PAPSS1: variants seen among roughly 807,000 people sequenced by gnomAD.
The protein encoded by PAPSS1 is 3'-phosphoadenosine 5'-phosphosulfate synthase 1, also known as bifunctional 3'-phosphoadenosine 5'-phosphosulfate synthase 1.
In PAPSS1, 50 loss-of-function variants were observed where a neutral mutation model predicts 72.0. The ratio of observed to expected loss-of-function variants is 0.69; its 90% confidence interval spans 0.55 to 0.88. PAPSS1 has a LOEUF of 0.88. Among genes scored for constraint, PAPSS1 ranks in the 40% least tolerant of loss-of-function variants. The pLI is 0.00. For synonymous variants in PAPSS1, 261 were observed against 263.6 expected, an observed-to-expected ratio of 0.99 and a Z score of 0.09; for missense variants, 657 against 782.2, an observed-to-expected ratio of 0.84 and a Z score of 1.91.
At chr4:107,719,187 G>GTTTTTTTTTTTTTTTTTTTTT (rs9307313) in intron 1 of PAPSS1, among the ~76,000 whole-genome samples, 3 of 146,416 alleles carry the variant, frequency 2.0e-5, no homozygotes, top group Admixed American at 6.8e-5. Flanking sequence ...GAAATTGCTT[G>GTTTTTTTTTTTTTTTTTTTTT]TTTTTTTTTT....
chr4:107,662,846 T>G (rs946830532), intron 5 of PAPSS1, among the ~76,000 whole-genome samples: 1 of 152,192 alleles, frequency 6.6e-6, no homozygotes, highest in African/African-American at 2.4e-5. Flanking sequence ...AGTTTAGCAG[T>G]CTGTGCAAAG....
At chr4:107,693,121 G>C (rs935718451) in intron 3 of PAPSS1, among the ~76,000 whole-genome samples, 1 of 152,110 alleles carries the variant, frequency 6.6e-6, no homozygotes, top group Non-Finnish European at 1.5e-5. Context: ...ACCTGCACAT[G>C]TAGCCCTGAT....
intron 11 of PAPSS1, among the ~76,000 whole-genome samples, chr4:107,624,323 A>C (rs558181205): frequency 6.6e-6 from 1 of 152,350 alleles, no homozygotes; most frequent in African/African-American, 2.4e-5. Context: ...CGTTTCCCAC[A>C]GTCTTCTGCC....
intron 10 of PAPSS1, among the ~76,000 whole-genome samples, chr4:107,641,702 T>C (rs1284397527): frequency 1.3e-5 from 2 of 152,184 alleles, no homozygotes; most frequent in Non-Finnish European, 2.9e-5. Context: ...TAGCTTTATA[T>C]TATATTAAAC....
At chr4:107,705,996 G>C (rs1243188869) in intron 1 of PAPSS1, among the ~76,000 whole-genome samples, 1 of 152,168 alleles carries the variant, frequency 6.6e-6, no homozygotes, top group Non-Finnish European at 1.5e-5. Flanking sequence ...GTCTCTCCTG[G>C]ACTACAAAAT....
At chr4:107,615,420 T>A (rs1016738842) in intron 11 of PAPSS1, among the ~76,000 whole-genome samples, 2 of 152,096 alleles carry the variant, frequency 1.3e-5, no homozygotes, top group Non-Finnish European at 2.9e-5. Flanking sequence ...AGACTTAACC[T>A]GAAAACCTGG....
At chr4:107,703,501 A>ATTTTTGTACCCTT (rs1441616108) in intron 1 of PAPSS1, among the ~76,000 whole-genome samples, 1 of 151,580 alleles carries the variant, frequency 6.6e-6, no homozygotes, top group African/African-American at 2.4e-5. Context: ...CTGATCTTAC[A>ATTTTTGTACCCTT]TGTAAATTTT....
At chr4:107,623,003 A>T (rs1726008021) in intron 11 of PAPSS1, among the ~76,000 whole-genome samples, 1 of 152,228 alleles carries the variant, frequency 6.6e-6, no homozygotes, top group African/African-American at 2.4e-5. Context: ...AGTCCTACTG[A>T]CTGTGCCTCC....
chr4:107,631,996 C>T, intron 10 of PAPSS1, 136 bp from the exon 11 acceptor site: 1 of 643,100 alleles, frequency 1.6e-6, no homozygotes, highest in South Asian at 2.3e-5. Flanking sequence ...GATGTATCAT[C>T]CTGGGAAGCC....
At chr4:107,715,740 T>C (rs1450533421) in intron 1 of PAPSS1, among the ~76,000 whole-genome samples, 2 of 152,230 alleles carry the variant, frequency 1.3e-5, no homozygotes, top group African/African-American at 2.4e-5. Context: ...CAAAGGCACA[T>C]ACAAAGTTTA....
In PAPSS1 at chr4:107,653,643, ATTT is replaced by A; in HGVS notation, c.1102-20_1102-18del. 6.2e-7 allele frequency: 1 copy of A among 1,605,866 alleles called. No individual in the cohort carries two copies. The highest frequency in any genetic ancestry group is 8.5e-7 in the Non-Finnish European group (1 of 1,176,390). On this transcript the variant is annotated intron_variant, in intron 8 of 11. Transcript: ENST00000265174. ...CATCACCATCTAATAGGAAAAACAA[ATTT>A]TTTTAATGGAAACCGAGATCAAAAT... is the stretch of plus-strand genomic sequence containing the variant.
chr4:107,661,089 A>C (rs940572809), intron 5 of PAPSS1, among the ~76,000 whole-genome samples: 2 of 152,224 alleles, frequency 1.3e-5, no homozygotes, highest in African/African-American at 4.8e-5. Context: ...ATAGATTATA[A>C]ATAAGCATAT....
At chr4:107,674,487 C>G (rs1326011411) in intron 5 of PAPSS1, among the ~76,000 whole-genome samples, 1 of 152,160 alleles carries the variant, frequency 6.6e-6, no homozygotes, top group Non-Finnish European at 1.5e-5. Context: ...AGCTAACTAT[C>G]CTAAATATAT....
chr4:107,631,478 G>A (rs1302025130), intron 11 of PAPSS1, among the ~76,000 whole-genome samples, 153 bp downstream of exon 11: 2 of 152,154 alleles, frequency 1.3e-5, no homozygotes, highest in Non-Finnish European at 2.9e-5. Flanking sequence ...CTAATTTCCA[G>A]AATGTTGGGA....
chr4:107,648,965 G>A (rs1578397508), intron 9 of PAPSS1, among the ~76,000 whole-genome samples: 1 of 152,298 alleles, frequency 6.6e-6, no homozygotes, highest in African/African-American at 2.4e-5. Flanking sequence ...CACAAAACTG[G>A]TAAATTCATA....
intron 1 of PAPSS1, chr4:107,718,542 C>A (rs1723693976): frequency 6.6e-6 from 1 of 152,298 alleles, no homozygotes; most frequent in Non-Finnish European, 1.5e-5. Flanking sequence ...AAACTTCTGT[C>A]TTACGCCACT....
At position 107,684,937 on chromosome 4, in the gene PAPSS1, G is replaced by T. The variant is rs59817835; in HGVS notation, c.550+2102C>A. 4.4e-3 allele frequency among the ~76,000 whole-genome samples: 671 copies of T among 151,728 alleles called. 2 individuals are homozygous for T. The highest frequency in any genetic ancestry group is 0.015 in the African/African-American group (631 of 41,326). On this transcript the variant is annotated intron_variant, in intron 4 of 11. Transcript: ENST00000265174. ...TTTTTTTTTTTTTAGATGGAGTCTC[G>T]CTCTGTCGCCCAGGCTAGAGTGCAG...
intron 1 of PAPSS1, among the ~76,000 whole-genome samples, chr4:107,714,660 T>A (rs897693306): frequency 2.0e-5 from 3 of 152,210 alleles, no homozygotes; most frequent in African/African-American, 4.8e-5. Context: ...TAGGTTTTTT[T>A]AAGAAATCTT....
intron 10 of PAPSS1, among the ~76,000 whole-genome samples, chr4:107,634,046 CT>C (rs1726295726): frequency 6.6e-6 from 1 of 152,006 alleles, no homozygotes; most frequent in South Asian, 2.1e-4. Context: ...GAGACAGGGT[CT>C]TACTCTGTCA....
Sources: gnomAD v4.1 joint callset for allele counts (sites outside exome capture counted in the v4.1 genomes callset) on GRCh38, gnomAD v4.1.1 for gene constraint, MANE v1.5 for transcripts, NCBI Gene and HGNC (gene_info 2026-07-23, HGNC 2026-07-21) for gene names.